TTC29: variants seen among roughly 807,000 people sequenced by gnomAD.
The protein encoded by TTC29 is tetratricopeptide repeat protein 29.
In TTC29, 49 loss-of-function variants were observed where a neutral mutation model predicts 58.1. That is an observed-to-expected ratio of 0.84 (90% CI 0.67 to 1.07). The LOEUF (loss-of-function observed/expected upper bound fraction) is 1.07. Among genes scored for constraint, TTC29 ranks in the 50% least tolerant of loss-of-function variants. The pLI is 0.00. For missense variants in TTC29, 582 were observed against 555.6 expected (o/e 1.05, Z -0.48); for synonymous variants, 209 against 196.8 (o/e 1.06, Z -0.52).
At chr4:146,752,646 A>C (rs1272593455) in intron 11 of TTC29, among the ~76,000 whole-genome samples, 1 of 152,034 alleles carries the variant, frequency 6.6e-6, no homozygotes, top group African/African-American at 2.4e-5. Flanking sequence ...ACCTGACTTC[A>C]AACTATACTA....
chr4:146,900,126 T>A (rs1733041961), intron 6 of TTC29, among the ~76,000 whole-genome samples: 1 of 152,150 alleles, frequency 6.6e-6, no homozygotes, highest in South Asian at 2.1e-4. Context: ...TACAGAAGCT[T>A]CACAGATAAT....
intron 11 of TTC29, among the ~76,000 whole-genome samples, chr4:146,754,801 C>T (rs1397641094): frequency 1.3e-5 from 2 of 151,678 alleles, no homozygotes; most frequent in African/African-American, 4.8e-5. Context: ...ATTAAAATCC[C>T]ACAACTAACA....
intron 4 of TTC29, 59 bp from the exon 5 acceptor site, chr4:146,909,308 A>G (rs2150283823): frequency 7.8e-7 from 1 of 1,278,692 alleles, no homozygotes; most frequent in Non-Finnish European, 1.1e-6. Flanking sequence ...TCTGCACGGT[A>G]TTTTCATTCT....
intron 10 of TTC29, chr4:146,813,116 G>C (rs934296186): frequency 1.3e-5 from 2 of 152,154 alleles, no homozygotes; most frequent in African/African-American, 4.8e-5. Flanking sequence ...GAATTTTCAT[G>C]CATTATTTTG....
At chr4:146,733,782 T>C (rs1346697988) in intron 11 of TTC29, among the ~76,000 whole-genome samples, 1 of 152,186 alleles carries the variant, frequency 6.6e-6, no homozygotes, top group African/African-American at 2.4e-5. Flanking sequence ...GTTATTAGTG[T>C]GTGAACAAAA....
chr4:146,723,996 C>T (rs529802672), intron 11 of TTC29, among the ~76,000 whole-genome samples: 6 of 152,110 alleles, frequency 3.9e-5, no homozygotes, highest in South Asian at 2.1e-4. Context: ...AATGGTGGAC[C>T]GAATAAAGAA....
At chr4:146,927,095 GA>G (rs903066089) in intron 4 of TTC29, among the ~76,000 whole-genome samples, 6 of 105,480 alleles carry the variant, frequency 5.7e-5, no homozygotes, top group Admixed American at 1.0e-4. Flanking sequence ...AAAAAAAAAA[GA>G]AAAAAAAAGA....
chr4:146,710,308 C>T (rs559127933), intron 11 of TTC29, among the ~76,000 whole-genome samples: 2 of 152,190 alleles, frequency 1.3e-5, no homozygotes, highest in East Asian at 3.9e-4. Flanking sequence ...ATCTGTAACA[C>T]TATAATGAAT....
At chr4:146,830,790 T>C (rs1728105914) in intron 9 of TTC29, among the ~76,000 whole-genome samples, 1 of 138,370 alleles carries the variant, frequency 7.2e-6, no homozygotes, top group Non-Finnish European at 1.7e-5. Context: ...TATGTGCATG[T>C]ATGTATGTGT....
intron 4 of TTC29, among the ~76,000 whole-genome samples, chr4:146,918,333 A>T (rs767938909): frequency 2.3e-4 from 35 of 151,172 alleles, no homozygotes; most frequent in Non-Finnish European, 2.7e-4. Flanking sequence ...AAATAGTACT[A>T]TCACTAATAT....
intron 11 of TTC29, among the ~76,000 whole-genome samples, chr4:146,766,202 C>T (rs1438683102): frequency 6.6e-6 from 1 of 151,820 alleles, no homozygotes; most frequent in Admixed American, 6.6e-5. Context: ...TAAAGAAGTA[C>T]CTAATTATGG....
chr4:146,931,631 C>G (rs1735343076), intron 4 of TTC29, among the ~76,000 whole-genome samples: 1 of 152,158 alleles, frequency 6.6e-6, no homozygotes, highest in South Asian at 2.1e-4. Context: ...ATAGCCAGAG[C>G]TGCTAGTCAT....
rs992031208 is a variant in TTC29, at chr4:146,711,875, T to C, written c.1331-4324A>G. Among the ~76,000 whole-genome samples, 7 of 152,218 alleles carry C rather than the reference T, an allele frequency of 4.6e-5. No individual in the cohort carries two copies. The East Asian group carries it at 1.2e-3, about 25-fold the overall frequency. On this transcript the variant is annotated intron_variant, in intron 11 of 12. Transcript: ENST00000325106. ...ATATCAATGTTAATATAATGGCACA[T>C]CTACAATGGCCTGCTTATAATATGA...
chr4:146,735,174 C>A (rs1744622804), intron 11 of TTC29, among the ~76,000 whole-genome samples: 1 of 152,058 alleles, frequency 6.6e-6, no homozygotes, highest in Non-Finnish European at 1.5e-5. Context: ...GACTCAAAGC[C>A]ACCCCCCTAA....
At chr4:146,895,924 C>T (rs1732737134) in intron 6 of TTC29, among the ~76,000 whole-genome samples, 1 of 151,770 alleles carries the variant, frequency 6.6e-6, no homozygotes, top group South Asian at 2.1e-4. Flanking sequence ...ATAAAAGTTT[C>T]TCAAAAAATT....
intron 8 of TTC29, among the ~76,000 whole-genome samples, chr4:146,851,062 G>T (rs1729486868): frequency 6.6e-6 from 1 of 152,142 alleles, no homozygotes; most frequent in East Asian, 1.9e-4. Flanking sequence ...ATTTGTCTGT[G>T]ATCTGTTAAG....
At chr4:146,770,387 T>C (rs1747642715) in intron 11 of TTC29, among the ~76,000 whole-genome samples, 1 of 151,834 alleles carries the variant, frequency 6.6e-6, no homozygotes, top group Non-Finnish European at 1.5e-5. Context: ...TTATCCTCCT[T>C]CACATCAGTT....
chr4:146,826,165 G>A (rs955904700), intron 9 of TTC29, among the ~76,000 whole-genome samples: 10 of 152,084 alleles, frequency 6.6e-5, no homozygotes, highest in Non-Finnish European at 1.0e-4. Flanking sequence ...ATGCTATGTG[G>A]TTATTTTGCA....
intron 11 of TTC29, among the ~76,000 whole-genome samples, chr4:146,781,960 G>T (rs1748638657): frequency 6.6e-6 from 1 of 151,696 alleles, no homozygotes; most frequent in South Asian, 2.1e-4. Context: ...AATCTAAAAT[G>T]ACAATCATTA....
Sources: gnomAD v4.1 joint callset for allele counts (sites outside exome capture counted in the v4.1 genomes callset) on GRCh38, gnomAD v4.1.1 for gene constraint, MANE v1.5 for transcripts, NCBI Gene and HGNC (gene_info 2026-07-23, HGNC 2026-07-21) for gene names.